GRIP2: variants seen among roughly 807,000 people sequenced by gnomAD.
The protein encoded by GRIP2 is glutamate receptor interacting protein 2, also known as glutamate receptor-interacting protein 2.
GRIP2 carries 58 observed loss-of-function variants against 108.3 expected under a neutral mutation model. That is an observed-to-expected ratio of 0.54 (90% CI 0.43 to 0.67). GRIP2 has a LOEUF of 0.67. Ranked by LOEUF, GRIP2 falls within the 30% of genes least tolerant of loss-of-function variation. The probability of loss-of-function intolerance (pLI) is 0.00; values close to 1 mark genes in which losing one functional copy is unlikely to be tolerated. For missense variants in GRIP2, 1,278 were observed against 1,430.6 expected, an observed-to-expected ratio of 0.89 and a Z score of 1.72; for synonymous variants, 586 against 598.2, an observed-to-expected ratio of 0.98 and a Z score of 0.30.
At chr3:14,558,964 C>T (rs1695279256), upstream of GRIP2, among the ~76,000 whole-genome samples, 1 of 152,172 alleles carries the variant, frequency 6.6e-6, no homozygotes. Context: ...GCTCCGAGGG[C>T]AGGGTGGATC....
chr3:14,588,514 A>C, the GRIP2 span, among the ~76,000 whole-genome samples: 1 of 152,172 alleles, frequency 6.6e-6, no homozygotes, highest in African/African-American at 2.4e-5. Flanking sequence ...CCTGGGACCC[A>C]GGTGGCCACT....
intron 1 of GRIP2, among the ~76,000 whole-genome samples, chr3:14,526,883 C>A (rs1694570546): frequency 6.6e-6 from 1 of 152,174 alleles, no homozygotes; most frequent in Admixed American, 6.5e-5. Context: ...CACCTGGGAA[C>A]TTGTCAGAAA....
chr3:14,572,737 C>T, the GRIP2 span: 17,777 of 503,422 alleles, frequency 0.035, 745 homozygotes, highest in East Asian at 0.17. Flanking sequence ...CTTCAGGAAA[C>T]AGGCCAGTTC....
At position 14,493,801 on chromosome 3, in the gene GRIP2, A is replaced by G. The variant is rs1559327531; in HGVS notation, c.2996T>C (p.Phe999Ser). 1 of 1,613,598 alleles carries G rather than the reference A, an allele frequency of 6.2e-7. No individual in the cohort carries two copies. Among genetic ancestry groups the G allele is most frequent in the South Asian group, 1.1e-5 (1 of 91,028 alleles). ...GAGTGGCACCGCCAGGCAGCAGTCGAAGTCCCGTGTACGGACGTGGTTGAC... is the reference window on the plus strand; with the variant it reads ...GAGTGGCACCGCCAGGCAGCAGTCGGAGTCCCGTGTACGGACGTGGTTGAC... Reference protein sequence around the residue: ...LQVNHVRTRDFDCCLAVPLLA... With the variant: ...LQVNHVRTRDSDCCLAVPLLA... The change falls in exon 24 of 24, where the codon TTC becomes TCC. Residue 999 changes from phenylalanine (F) to serine (S), a missense_variant. Physicochemically the swap from Phe to Ser is radical, Grantham distance 155. Coordinates refer to ENST00000621039, the MANE Select transcript of GRIP2 (RefSeq NM_001080423.4).
In GRIP2 at chr3:14,490,735, A is replaced by T. The variant is rs997917970; in HGVS notation, c.*2930T>A. The T allele has an allele frequency of 6.6e-6, 1 of 152,092 alleles. No individual in the cohort carries two copies. The highest frequency in any genetic ancestry group is 1.5e-5 in the Non-Finnish European group (1 of 68,028). 9.4% of individuals were successfully genotyped at this position (152,092 alleles called of 1,614,324 possible). A position where few individuals can be genotyped will look rare whatever the true frequency, so the allele number is the denominator to read the frequency against. On this transcript the variant is annotated 3_prime_UTR_variant, in exon 24 of 24. Coordinates refer to ENST00000621039, the MANE Select transcript of GRIP2 (RefSeq NM_001080423.4). ...CCTTGAGACCGTCAAACTCGTTCCTATCTCAGGGCCTTTGCACTAGCTGTG... is the reference window on the plus strand; with the variant it reads ...CCTTGAGACCGTCAAACTCGTTCCTTTCTCAGGGCCTTTGCACTAGCTGTG...
chr3:14,544,793 C>T (rs372105736), upstream of GRIP2, among the ~76,000 whole-genome samples: 2 of 152,198 alleles, frequency 1.3e-5, no homozygotes, highest in East Asian at 1.9e-4. Context: ...TTATCGTACC[C>T]ATTTTATAGA....
intron 1 of GRIP2, among the ~76,000 whole-genome samples, chr3:14,547,183 G>A (rs1197585363): frequency 6.6e-6 from 1 of 152,088 alleles, no homozygotes; most frequent in Admixed American, 6.5e-5. Flanking sequence ...AGGGAGGGAG[G>A]AAAGATGGAA....
chr3:14,494,857 C>T lies in GRIP2; in HGVS notation c.2956G>A (p.Asp986Asn), dbSNP rs1377785050. Residue 986 changes from aspartate to asparagine, a missense_variant, in exon 23 of 24, where the codon GAC (aspartate) becomes AAC (asparagine). Asp to Asn is a conservative substitution (Grantham distance 23). Transcript: ENST00000621039. The part of the protein sequence containing the change: ...PAHRGGLQPF[D>N]RVLQVNHVRT... ...CCCAGCATTACCTGCAGGACCCTGTCGAAGGGCTGGAGGCCTCCACGGTGG... is the reference window on the plus strand; with the variant it reads ...CCCAGCATTACCTGCAGGACCCTGTTGAAGGGCTGGAGGCCTCCACGGTGG... The T allele has an allele frequency of 5.6e-6, 9 of 1,613,114 alleles. No individual in the cohort carries two copies. Among genetic ancestry groups the T allele is most frequent in the Non-Finnish European group, 5.9e-6 (7 of 1,179,358 alleles).
chr3:14,596,334 C>T, the GRIP2 span, among the ~76,000 whole-genome samples: 2 of 152,184 alleles, frequency 1.3e-5, no homozygotes, highest in African/African-American at 4.8e-5. Context: ...GCGTTTGACC[C>T]TTAGGGCTTT....
the GRIP2 span, among the ~76,000 whole-genome samples, chr3:14,587,408 A>T: frequency 1.3e-5 from 2 of 152,172 alleles, no homozygotes; most frequent in African/African-American, 4.8e-5. Flanking sequence ...AGGTGTGTGG[A>T]TCACCTGAGG....
chr3:14,501,184 A>G (rs1218117786), intron 21 of GRIP2, among the ~76,000 whole-genome samples: 1 of 152,210 alleles, frequency 6.6e-6, no homozygotes, highest in African/African-American at 2.4e-5. Flanking sequence ...GACAGAGTAG[A>G]TAGCAATTGC....
chr3:14,507,808 A>AC lies in GRIP2; in HGVS notation c.2079-109dup, dbSNP rs1423554712. On this transcript the variant is annotated intron_variant, in intron 17 of 23. Transcript: ENST00000621039. The surrounding 1 kb of genome is among the most constrained non-coding windows in gnomAD (Gnocchi z 4.6). The stretch of plus-strand genomic sequence containing the variant: ...GAGCCACAAAGCAGAAGTCTGGCTG[A>AC]CCCCAGTTAAACCCAGCTGCCAAAA... 7.6e-7 allele frequency: 1 copy of AC among 1,320,208 alleles called. No homozygotes were observed. Among genetic ancestry groups the AC allele is most frequent in the Non-Finnish European group, 1.1e-6 (1 of 949,194 alleles). 81.8% of individuals were successfully genotyped at this position (1,320,208 alleles called of 1,614,324 possible). A position where few individuals can be genotyped will look rare whatever the true frequency, so the allele number is the denominator to read the frequency against.
At chr3:14,539,548 G>A (rs537750521) in intron 1 of GRIP2, among the ~76,000 whole-genome samples, 2 of 152,348 alleles carry the variant, frequency 1.3e-5, no homozygotes, top group Admixed American at 6.5e-5. Flanking sequence ...GATATGTCAA[G>A]AGCGTGGGAA....
chr3:14,560,891 G>A (rs988765756), upstream of GRIP2, among the ~76,000 whole-genome samples: 1 of 152,218 alleles, frequency 6.6e-6, no homozygotes, highest in East Asian at 1.9e-4. Flanking sequence ...CAAGGGCTCA[G>A]TGAATGAGAG....
the GRIP2 span, among the ~76,000 whole-genome samples, chr3:14,582,470 C>T: frequency 6.6e-6 from 1 of 152,148 alleles, no homozygotes; most frequent in African/African-American, 2.4e-5. Flanking sequence ...GTCTTTCTAG[C>T]TTGGATGTTT....
At chr3:14,568,768 A>G in the GRIP2 span, among the ~76,000 whole-genome samples, 1 of 152,184 alleles carries the variant, frequency 6.6e-6, no homozygotes, top group Non-Finnish European at 1.5e-5. Context: ...GGAAGTAGCT[A>G]GGGATGTATT....
chr3:14,513,558 G>T, intron 13 of GRIP2, 107 bp downstream of exon 13: 1 of 1,386,358 alleles, frequency 7.2e-7, no homozygotes, highest in East Asian at 2.5e-5. Flanking sequence ...AAGGGCACTG[G>T]GCACAGAGGG....
rs774833386 is a variant in GRIP2 at position 14,525,940 on chromosome 3, G to A, written c.41-9C>T. On this transcript the variant is annotated splice_polypyrimidine_tract_variant and intron_variant, in intron 1 of 23. Coordinates refer to ENST00000621039, the MANE Select transcript of GRIP2 (RefSeq NM_001080423.4). Reference sequence around the variant, plus strand: ...GGAGTAGGGCCCATCGTCTGCAGGAGAGAAAGAGGGAAAGGCCGAGTTCCA... The same window carrying A: ...GGAGTAGGGCCCATCGTCTGCAGGAAAGAAAGAGGGAAAGGCCGAGTTCCA... 1.3e-6 allele frequency: 2 copies of A among 1,553,404 alleles called. No homozygotes were observed. Among genetic ancestry groups the A allele is most frequent in the East Asian group, 2.4e-5 (1 of 41,136 alleles).
In GRIP2 at chr3:14,491,259, G is replaced by C. The variant is rs184082075; in HGVS notation, c.*2406C>G. On this transcript the variant is annotated 3_prime_UTR_variant, in exon 24 of 24. Transcript: ENST00000621039. ...CCTGGTGGGACAAAGACTTAGACGA[G>C]GGCCCCAAACAGACCATAAGCGGCC... 1.3e-5 allele frequency: 2 copies of C among 152,232 alleles called. No homozygotes were observed. Among genetic ancestry groups the C allele is most frequent in the Non-Finnish European group, 2.9e-5 (2 of 68,042 alleles). 9.4% of individuals were successfully genotyped at this position (152,232 alleles called of 1,614,324 possible).
Sources: gnomAD v4.1 joint callset for allele counts (sites outside exome capture counted in the v4.1 genomes callset) on GRCh38, gnomAD v4.1.1 for gene constraint, Gnocchi (gnomAD v3.1) non-coding constraint, MANE v1.5 for transcripts, NCBI Gene and HGNC (gene_info 2026-07-23, HGNC 2026-07-21) for gene names.